The following NSG1 variants were observed in gnomAD, a reference collection of about 807,000 sequenced individuals.
NSG1 encodes neuronal vesicle trafficking associated 1, also known as neuronal vesicle trafficking-associated protein 1.
Under a neutral mutation model 19.3 loss-of-function variants are expected in NSG1, and 9 were observed. That is an observed-to-expected ratio of 0.47 (90% CI 0.28 to 0.81). NSG1 has a LOEUF of 0.81. Ranked by LOEUF, NSG1 falls within the 40% of genes least tolerant of loss-of-function variation. The pLI, the probability that NSG1 is intolerant of heterozygous loss-of-function variation, is 0.11. For missense variants in NSG1, 236 were observed against 242.4 expected, an observed-to-expected ratio of 0.97 and a Z score of 0.18; for synonymous variants, 104 against 107.0, an observed-to-expected ratio of 0.97 and a Z score of 0.17.
chr4:4,400,476 A>G (rs1023891366), intron 3 of NSG1, among the ~76,000 whole-genome samples: 39 of 152,310 alleles, frequency 2.6e-4, no homozygotes, highest in African/African-American at 9.4e-4. Flanking sequence ...ATTTTCGGCA[A>G]ACAAACAAAA....
At chr4:4,398,371 A>G (rs1723378404) in intron 3 of NSG1, among the ~76,000 whole-genome samples, 1 of 152,326 alleles carries the variant, frequency 6.6e-6, no homozygotes, top group African/African-American at 2.4e-5. Context: ...TCCAACCACC[A>G]TCACTAAGCT....
At chr4:4,393,937 G>T (rs751560235) in intron 3 of NSG1, among the ~76,000 whole-genome samples, 2 of 152,152 alleles carry the variant, frequency 1.3e-5, no homozygotes, top group Admixed American at 6.5e-5. Flanking sequence ...AGACCTCACC[G>T]CCCTGTTTCC....
intron 4 of NSG1, among the ~76,000 whole-genome samples, chr4:4,410,914 A>G (rs997202432): frequency 4.6e-5 from 7 of 152,124 alleles, no homozygotes; most frequent in Non-Finnish European, 1.0e-4. Context: ...CTGGAGCGCA[A>G]TGGTGCGTTC....
intron 3 of NSG1, among the ~76,000 whole-genome samples, chr4:4,404,665 G>T (rs142966051): frequency 1.4e-4 from 22 of 152,350 alleles, no homozygotes; most frequent in African/African-American, 5.3e-4. Context: ...AGGAAACGCC[G>T]ATGTCTGGCT....
chr4:4,394,038 T>C (rs1458541556), intron 3 of NSG1, among the ~76,000 whole-genome samples: 1 of 152,204 alleles, frequency 6.6e-6, no homozygotes, highest in African/African-American at 2.4e-5. Flanking sequence ...ATGCTCATAT[T>C]GTCTCATTTA....
intron 4 of NSG1, chr4:4,415,855 G>A (rs1453345109): frequency 2.0e-6 from 1 of 506,512 alleles, no homozygotes; most frequent in East Asian, 3.6e-5. Context: ...AGCGTGAAGG[G>A]GCGTGGCGGT....
chr4:4,402,210 AT>A (rs35986151), intron 3 of NSG1, among the ~76,000 whole-genome samples: 24 of 140,434 alleles, frequency 1.7e-4, no homozygotes, highest in African/African-American at 2.9e-4. Flanking sequence ...TTTTCCTTTG[AT>A]TTTTTTTTTT....
At chr4:4,414,031 G>C (rs73793278) in intron 4 of NSG1, among the ~76,000 whole-genome samples, 1 of 152,080 alleles carries the variant, frequency 6.6e-6, no homozygotes, top group African/African-American at 2.4e-5. Flanking sequence ...CTGGGGGCCG[G>C]AAGTCCCCAC....
intron 3 of NSG1, among the ~76,000 whole-genome samples, chr4:4,402,174 C>T (rs1723583094): frequency 6.6e-6 from 1 of 150,748 alleles, no homozygotes; most frequent in Non-Finnish European, 1.5e-5. Flanking sequence ...CAGCATGAGC[C>T]ACAGCACCCA....
intron 3 of NSG1, among the ~76,000 whole-genome samples, chr4:4,396,509 G>A (rs911231841): frequency 5.9e-5 from 9 of 152,236 alleles, no homozygotes; most frequent in African/African-American, 2.2e-4. Context: ...ACCTTTCACC[G>A]CCAGCACAGG....
At chr4:4,417,103 G>A (rs537661701) in intron 4 of NSG1, 132 bp from the exon 5 acceptor site, 13 of 727,824 alleles carry the variant, frequency 1.8e-5, no homozygotes, top group South Asian at 6.9e-5. Context: ...ATCCATGCCC[G>A]TTTTTGCTCA....
chr4:4,387,561 C>CCGGGGGGGGGGTGGGG, intron 1 of NSG1, 43 bp from the exon 2 acceptor site: 1 of 1,141,988 alleles, frequency 8.8e-7, no homozygotes, highest in Non-Finnish European at 1.2e-6. Context: ...CGCCCCGCCC[C>CCGGGGGGGGGGTGGGG]GGGTCTTGCT....
chr4:4,397,648 C>T (rs1472186279), intron 3 of NSG1, among the ~76,000 whole-genome samples: 1 of 152,232 alleles, frequency 6.6e-6, no homozygotes, highest in Non-Finnish European at 1.5e-5. Context: ...TAACTCCTGG[C>T]CCAGGTGGGG....
In NSG1 at chr4:4,415,563, C is replaced by T. The variant is rs141934720; in HGVS notation, c.358-1672C>T. On this transcript the variant is annotated intron_variant, in intron 4 of 4. Transcript: ENST00000621129. ...GAAGCCCTTCACCCCCTGGGGTGCTCGCCACCATGGGCACCAAGGTGCCTC... is the reference window on the plus strand; with the variant it reads ...GAAGCCCTTCACCCCCTGGGGTGCTTGCCACCATGGGCACCAAGGTGCCTC... Among the ~76,000 whole-genome samples, 38 of 152,118 alleles carry T rather than the reference C, an allele frequency of 2.5e-4. No individual in the cohort carries two copies. In the East Asian group the frequency reaches 5.6e-3, roughly 23 times the overall value.
chr4:4,404,125 C>T lies in NSG1; in HGVS notation c.247-5448C>T, dbSNP rs138739887. On this transcript the variant is annotated intron_variant, in intron 3 of 4. Transcript: ENST00000621129. The stretch of plus-strand genomic sequence containing the variant: ...CCAGGCTGGAGTCACTGCGAATGGC[C>T]GCCACCTCTCTTTTTGCATAGCCAA... 4.6e-3 allele frequency among the ~76,000 whole-genome samples: 702 copies of T among 152,326 alleles called. 11 individuals are homozygous for T. The highest frequency in any genetic ancestry group is 0.016 in the African/African-American group (657 of 41,568).
intron 3 of NSG1, among the ~76,000 whole-genome samples, chr4:4,397,719 C>T (rs774815959): frequency 9.9e-5 from 15 of 152,180 alleles, no homozygotes; most frequent in Non-Finnish European, 2.2e-4. Flanking sequence ...CGGCCATCAC[C>T]CAGGACCCCC....
chr4:4,393,900 G>T (rs138930686), intron 3 of NSG1, among the ~76,000 whole-genome samples: 1 of 152,278 alleles, frequency 6.6e-6, no homozygotes, highest in Non-Finnish European at 1.5e-5. Context: ...CTGCCAGGAA[G>T]CCTCCTGGGT....
At chr4:4,393,301 C>T (rs73793253) in intron 3 of NSG1, among the ~76,000 whole-genome samples, 3,302 of 152,324 alleles carry the variant, frequency 0.022, 103 homozygotes, top group African/African-American at 0.075. Context: ...CCTCTGTCCC[C>T]GACCTCTGGT....
intron 4 of NSG1, chr4:4,415,747 C>A: frequency 4.6e-6 from 1 of 215,468 alleles, no homozygotes; most frequent in South Asian, 7.0e-5. Context: ...TTGGCCGCAT[C>A]AGGTCTTGCA....
Sources: allele counts gnomAD v4.1 joint callset (sites outside exome capture counted in the v4.1 genomes callset), GRCh38; gene constraint gnomAD v4.1.1; transcripts MANE v1.5; gene names NCBI Gene and HGNC (gene_info 2026-07-23, HGNC 2026-07-21).